Variants in ABL1 observed in about 807,000 individuals in gnomAD.
The protein encoded by ABL1 is tyrosine-protein kinase ABL1.
A neutral mutation model predicts 94.7 loss-of-function variants in ABL1; 11 were observed. The observed-to-expected ratio is 0.12, with a 90% CI of 0.07 to 0.19. The LOEUF (loss-of-function observed/expected upper bound fraction) is 0.19. ABL1 is among the 10% of genes least tolerant of loss of function. The pLI, the probability that ABL1 is intolerant of heterozygous loss-of-function variation, is 1.00. For synonymous variants in ABL1, 656 were observed against 622.4 expected, an observed-to-expected ratio of 1.05 and a Z score of -0.80; for missense variants, 1,082 against 1,489.4, an observed-to-expected ratio of 0.73 and a Z score of 4.50.
At chr9:130,714,296 G>T (rs766684836) in exon 1 of ABL1, 23 of 1,560,330 alleles carry the variant, frequency 1.5e-5, no homozygotes, top group Non-Finnish European at 1.9e-5. Context: ...CCCTCTTCTG[G>T]AAAGGGGTAC....
intron 1 of ABL1, among the ~76,000 whole-genome samples, chr9:130,801,429 T>C (rs1043694152): frequency 6.6e-6 from 1 of 151,902 alleles, no homozygotes; most frequent in South Asian, 2.1e-4. Flanking sequence ...GGTTTCACCA[T>C]GTTGGCCAGG....
At chr9:130,743,593 A>G (rs780910719) in intron 1 of ABL1, among the ~76,000 whole-genome samples, 4 of 152,224 alleles carry the variant, frequency 2.6e-5, no homozygotes, top group Non-Finnish European at 4.4e-5. Context: ...GACACATGAA[A>G]TAGCAGAAGT....
At chr9:130,745,629 A>G (rs1831879261) in intron 1 of ABL1, among the ~76,000 whole-genome samples, 1 of 151,888 alleles carries the variant, frequency 6.6e-6, no homozygotes, top group Non-Finnish European at 1.5e-5. Context: ...CTCACTCTAA[A>G]GTTATTTCTT....
intron 3 of ABL1, among the ~76,000 whole-genome samples, chr9:130,855,395 A>G (rs1234286309): frequency 7.2e-5 from 10 of 138,670 alleles, no homozygotes; most frequent in Admixed American, 6.9e-4. Context: ...TTACAATAAG[A>G]TTCTTCCTTT....
chr9:130,714,156 T>C, exon 1 of ABL1: 1 of 608,572 alleles, frequency 1.6e-6, no homozygotes, highest in Non-Finnish European at 2.5e-6. Context: ...AAAAAGTGCT[T>C]CCTTTTGTTA....
chr9:130,883,895 C>T, intron 10 of ABL1, 74 bp from the exon 11 acceptor site: 5 of 1,516,780 alleles, frequency 3.3e-6, no homozygotes, highest in Non-Finnish European at 4.4e-6. Context: ...ACTCTGCCTC[C>T]CGGGTTCAAG....
At chr9:130,731,717 A>G (rs550240549) in intron 1 of ABL1, among the ~76,000 whole-genome samples, 24 of 152,270 alleles carry the variant, frequency 1.6e-4, no homozygotes, top group African/African-American at 2.2e-4. Flanking sequence ...TTGTTCTTCA[A>G]TATTGTCTTG....
At chr9:130,854,004 A>ATT in intron 1 of ABL1, 60 bp from the exon 2 acceptor site, 1 of 1,530,082 alleles carries the variant, frequency 6.5e-7, no homozygotes. Context: ...AATAAAACTA[A>ATT]TTTTTTCTCC....
At position 130,883,975 on chromosome 9, in the gene ABL1, T is replaced by C; in HGVS notation, c.1685T>C (p.Leu562Pro). The change falls in exon 11 of 11, where the codon CTG becomes CCG. Residue 562 changes from leucine (L) to proline (P), a missense_variant. Coordinates refer to ENST00000318560, the MANE Select transcript of ABL1 (RefSeq NM_005157.6). ...TCTTCCCCTTGCGTTTCAGATCCTC[T>C]GGACCATGAGCCTGCCGTGTCTCCA... is the stretch of plus-strand genomic sequence containing the variant. The part of the protein sequence containing the change: ...HSKGQGESDP[L>P]DHEPAVSPLL... 3 of 1,611,112 alleles carry C rather than the reference T, an allele frequency of 1.9e-6. No homozygotes were observed. Among genetic ancestry groups the C allele is most frequent in the Non-Finnish European group, 2.5e-6 (3 of 1,179,070 alleles).
chr9:130,883,981 A>G lies in ABL1; in HGVS notation c.1691A>G (p.His564Arg). 1.2e-6 allele frequency: 2 copies of G among 1,612,098 alleles called. No individual in the cohort carries two copies. The highest frequency in any genetic ancestry group is 1.3e-5 in the African/African-American group (1 of 74,866). Residue 564 changes from histidine to arginine, a missense_variant, in exon 11 of 11, where the codon CAT (histidine) becomes CGT (arginine). This residue lies in a region of ABL1 where 780 missense variants were observed against 835.8 expected (regional missense o/e 0.93). Coordinates refer to ENST00000318560, the MANE Select transcript of ABL1 (RefSeq NM_005157.6). The stretch of plus-strand genomic sequence containing the variant: ...CCTTGCGTTTCAGATCCTCTGGACC[A>G]TGAGCCTGCCGTGTCTCCATTGCTC... ...KGQGESDPLDHEPAVSPLLPR... is the reference protein window; with the variant it reads ...KGQGESDPLDREPAVSPLLPR...
chr9:130,825,146 C>T (rs939974727), intron 1 of ABL1, among the ~76,000 whole-genome samples: 3 of 152,300 alleles, frequency 2.0e-5, no homozygotes, highest in Middle Eastern at 6.8e-3. Context: ...CTGGAGGAGA[C>T]TATACTTTTA....
intron 1 of ABL1, among the ~76,000 whole-genome samples, chr9:130,794,452 A>AG (rs1829948346): frequency 6.6e-6 from 1 of 152,180 alleles, no homozygotes; most frequent in South Asian, 2.1e-4. Flanking sequence ...GCCAAGTTTA[A>AG]GACACCTTAG....
chr9:130,855,972 G>A (rs1020461728), intron 3 of ABL1, among the ~76,000 whole-genome samples: 13 of 152,212 alleles, frequency 8.5e-5, no homozygotes, highest in African/African-American at 3.1e-4. Flanking sequence ...CTGGAGTACA[G>A]TGGTGCGATC....
chr9:130,865,872 C>T (rs980399514), intron 4 of ABL1, among the ~76,000 whole-genome samples: 6 of 151,918 alleles, frequency 3.9e-5, no homozygotes, highest in South Asian at 2.1e-4. Context: ...TACTACATGT[C>T]GCATCTCATT....
intron 1 of ABL1, among the ~76,000 whole-genome samples, chr9:130,846,445 A>G (rs1830773619): frequency 1.3e-5 from 2 of 152,222 alleles, no homozygotes; most frequent in South Asian, 4.1e-4. Flanking sequence ...ATATGAATAA[A>G]GCAGCACAAG....
intron 1 of ABL1, among the ~76,000 whole-genome samples, chr9:130,804,031 A>G (rs1440456861): frequency 6.6e-6 from 1 of 151,872 alleles, no homozygotes. Flanking sequence ...ACTGTTCTTC[A>G]GCCCAAGAGA....
chr9:130,744,851 C>T (rs549624148), intron 1 of ABL1, among the ~76,000 whole-genome samples: 134 of 139,854 alleles, frequency 9.6e-4, no homozygotes, highest in Non-Finnish European at 1.6e-3. Flanking sequence ...AGTGAGACTC[C>T]GTCTCAAAAA....
intron 3 of ABL1, among the ~76,000 whole-genome samples, chr9:130,858,121 A>T (rs983326438): frequency 6.6e-6 from 1 of 151,636 alleles, no homozygotes; most frequent in African/African-American, 2.4e-5. Context: ...ACCGAACAGG[A>T]TAATGGTTTC....
Position 130,835,597 on chromosome 9 carries a change from C to T in ABL1, c.79+72C>T. On this transcript the variant is annotated intron_variant, in intron 1 of 10. Transcript: ENST00000318560. This position sits in a 1 kb window ranked among gnomAD's most constrained non-coding sequence, Gnocchi z 4.6. ...CGCTGCTGCTGGGCCCTTCCTAGGCCTCGCCGCCCGCGCGCTCCCGCCTGC... is the reference window on the plus strand; with the variant it reads ...CGCTGCTGCTGGGCCCTTCCTAGGCTTCGCCGCCCGCGCGCTCCCGCCTGC... 1 of 1,360,384 alleles carries T rather than the reference C, an allele frequency of 7.4e-7. No homozygotes were observed. The highest frequency in any genetic ancestry group is 1.0e-6 in the Non-Finnish European group (1 of 982,160). The allele number at this position is 1,360,384 out of a possible 1,614,324, so 84.3% of individuals were successfully genotyped here.
Sources: gnomAD v4.1 joint callset for allele counts (sites outside exome capture counted in the v4.1 genomes callset) on GRCh38, gnomAD v4.1.1 for gene constraint, gnomAD v4.1.1 regional missense constraint, Gnocchi (gnomAD v3.1) non-coding constraint, MANE v1.5 for transcripts, NCBI Gene and HGNC (gene_info 2026-07-23, HGNC 2026-07-21) for gene names.